BARD1: variants seen among roughly 807,000 people sequenced by gnomAD.
BARD1 encodes the protein BRCA1 associated RING domain 1.
In BARD1, 73 loss-of-function variants were observed where a neutral mutation model predicts 77.0. The ratio of observed to expected loss-of-function variants is 0.95; its 90% CI spans 0.79 to 1.15. The LOEUF is 1.15. Ranked by LOEUF, BARD1 falls within the 50% of genes most tolerant of loss-of-function variation. The pLI, the probability that BARD1 is intolerant of heterozygous loss-of-function variation, is 0.00. For synonymous variants in BARD1, 384 were observed against 338.0 expected, an observed-to-expected ratio of 1.14 and a Z score of -1.49; for missense variants, 993 against 938.8, an observed-to-expected ratio of 1.06 and a Z score of -0.75.
chr2:214,789,297 G>A (rs1171879750), intron 3 of BARD1, among the ~76,000 whole-genome samples: 2 of 151,826 alleles, frequency 1.3e-5, no homozygotes, highest in African/African-American at 4.8e-5. Context: ...TTGGGAGGTC[G>A]AGGTGGGAGA....
rs878854012 is a variant in BARD1, at chr2:214,781,466, T to C, written c.408A>G (p.Ala136=). 1 of 1,612,596 alleles carries C rather than the reference T, an allele frequency of 6.2e-7. No homozygotes were observed. Among genetic ancestry groups the C allele is most frequent in the Non-Finnish European group, 8.5e-7 (1 of 1,179,708 alleles). Residue 136 remains alanine, a synonymous_variant, in exon 4 of 11, where the codon GCA becomes GCG. Coordinates refer to ENST00000260947, the MANE Select transcript of BARD1 (RefSeq NM_000465.4). The part of the protein sequence containing the change: ...DKPRKSLFND[A]GNKKNSIKMW... The stretch of plus-strand genomic sequence containing the variant: ...TTTTAATTGAATTCTTCTTGTTTCC[T>C]GCATCATTAAACAAACTTTTCCTAG...
intron 6 of BARD1, among the ~76,000 whole-genome samples, chr2:214,755,246 CA>C (rs1693640603): frequency 6.6e-6 from 1 of 152,052 alleles, no homozygotes; most frequent in Non-Finnish European, 1.5e-5. Flanking sequence ...CATCACTATA[CA>C]AGGGAAGAAG....
At chr2:214,779,717 T>C (rs992027870) in intron 4 of BARD1, among the ~76,000 whole-genome samples, 4 of 152,220 alleles carry the variant, frequency 2.6e-5, no homozygotes, top group African/African-American at 9.6e-5. Flanking sequence ...CAAAGTTCTC[T>C]ACCCATCCAG....
rs1375593475 is a variant in BARD1 at position 214,745,151 on chromosome 2, C to T, written c.1819G>A (p.Val607Ile). The change falls in exon 9 of 11, where the codon GTT (valine) becomes ATT (isoleucine). Residue 607 changes from valine (V) to isoleucine (I), a missense_variant. By Grantham distance (29) the Val-to-Ile change is conservative. Coordinates refer to ENST00000260947, the MANE Select transcript of BARD1 (RefSeq NM_000465.4). ...YTEFDSTVTH[V>I]VVPGDAVQST... is the part of the protein sequence containing the mutation. ...TGAACTGCATCACCAGGAACAACAA[C>T]ATGAGTTACTAAAATACAAAAAAAG... 1 of 1,613,586 alleles carries T rather than the reference C, an allele frequency of 6.2e-7. No homozygotes were observed. Among genetic ancestry groups the T allele is most frequent in the Non-Finnish European group, 8.5e-7 (1 of 1,179,602 alleles).
chr2:214,792,149 T>TAAAA, intron 3 of BARD1, 148 bp downstream of exon 3: 1 of 760,100 alleles, frequency 1.3e-6, no homozygotes, highest in Non-Finnish European at 2.0e-6. Context: ...CAATGGCTAT[T>TAAAA]TAAAAAAAAA....
chr2:214,781,423 T>C lies in BARD1; in HGVS notation c.451A>G (p.Ser151Gly). The change falls in exon 4 of 11, where the codon AGT becomes GGT. Residue 151 changes from serine (S) to glycine (G), a missense_variant. Transcript: ENST00000260947. ...NSIKMWFSPR[S>G]KKVRYVVSKA... ...CTCACAACATATCTGACTTTCTTAC[T>C]TCGAGGGCTAAACCACATTTTAATT... 6.2e-7 allele frequency: 1 copy of C among 1,613,612 alleles called. No individual in the cohort carries two copies. Among genetic ancestry groups the C allele is most frequent in the Non-Finnish European group, 8.5e-7 (1 of 1,179,892 alleles).
intron 2 of BARD1, among the ~76,000 whole-genome samples, chr2:214,794,792 C>T (rs772189268): frequency 2.0e-5 from 3 of 152,128 alleles, no homozygotes; most frequent in Non-Finnish European, 4.4e-5. Flanking sequence ...GCAGTTTTAA[C>T]TCAAAATCTG....
At chr2:214,809,236 T>G (rs948450818) in intron 1 of BARD1, among the ~76,000 whole-genome samples, 176 bp downstream of exon 1, 9 of 151,972 alleles carry the variant, frequency 5.9e-5, no homozygotes, top group African/African-American at 1.9e-4. Context: ...AAAAATAAAG[T>G]GAATGAGAAG....
chr2:214,779,382 A>G (rs549713285), intron 4 of BARD1, among the ~76,000 whole-genome samples: 4 of 151,858 alleles, frequency 2.6e-5, no homozygotes, highest in African/African-American at 9.7e-5. Flanking sequence ...TTGTTATACG[A>G]TATTTTTTAA....
chr2:214,729,243 T>C (rs939762530), intron 10 of BARD1, among the ~76,000 whole-genome samples: 2 of 152,232 alleles, frequency 1.3e-5, no homozygotes, highest in African/African-American at 4.8e-5. Flanking sequence ...CTTGTACACC[T>C]TATGCACATA....
rs186995626 is a variant in BARD1 at position 214,731,742 on chromosome 2, A to G, written c.1904-1234T>C. On this transcript the variant is annotated intron_variant, in intron 9 of 10. Coordinates refer to ENST00000260947, the MANE Select transcript of BARD1 (RefSeq NM_000465.4). ...CATTTTATCACTGAGGGTAGGAACC[A>G]TATATTATTCACCTATGCGTTCTTC... Among the ~76,000 whole-genome samples, 36 of 152,284 alleles carry G rather than the reference A, an allele frequency of 2.4e-4. 1 individual carries two copies. The highest frequency in any genetic ancestry group is 2.2e-3 in the Admixed American group (33 of 15,292).
At chr2:214,748,547 C>A (rs1406692798) in intron 7 of BARD1, among the ~76,000 whole-genome samples, 1 of 151,776 alleles carries the variant, frequency 6.6e-6, no homozygotes, top group East Asian at 1.9e-4. Context: ...AAAAGGTAAA[C>A]ATGCTGCTTA....
rs1319818611 is a variant in BARD1, at chr2:214,726,980, T to A, written c.*1696A>T. The A allele has an allele frequency of 4.7e-6, 1 of 212,788 alleles. No individual in the cohort carries two copies. The highest frequency in any genetic ancestry group is 2.8e-5 in the African/African-American group (1 of 35,996). The allele number at this position is 212,788 out of a possible 1,614,324, so 13.2% of individuals were successfully genotyped here. A position where few individuals can be genotyped will look rare whatever the true frequency, so the allele number is the denominator to read the frequency against. ...TGAGGCAACAGAAAGTGACTTAAAG[T>A]CTGTTATAAATAAAAAATGACAACC... On this transcript the variant is annotated 3_prime_UTR_variant, in exon 11 of 11. Transcript: ENST00000260947.
At chr2:214,773,603 A>G (rs760818571) in intron 4 of BARD1, among the ~76,000 whole-genome samples, 1 of 151,804 alleles carries the variant, frequency 6.6e-6, no homozygotes, top group South Asian at 2.1e-4. Flanking sequence ...ACTATACTGT[A>G]GTCTACTAAG....
At chr2:214,776,487 A>G (rs1028131633) in intron 4 of BARD1, among the ~76,000 whole-genome samples, 3 of 152,210 alleles carry the variant, frequency 2.0e-5, no homozygotes, top group African/African-American at 7.2e-5. Flanking sequence ...TGATGCAGAC[A>G]TTCAAATAGG....
At chr2:214,730,916 C>T (rs1692326204) in intron 9 of BARD1, 1 of 457,272 alleles carries the variant, frequency 2.2e-6, no homozygotes, top group Non-Finnish European at 4.4e-6. Context: ...ACCATCTATA[C>T]TGCTCATTTT....
intron 1 of BARD1, among the ~76,000 whole-genome samples, chr2:214,802,036 A>C (rs1696049093): frequency 6.6e-6 from 1 of 152,090 alleles, no homozygotes; most frequent in Non-Finnish European, 1.5e-5. Context: ...TTTTTTGTAG[A>C]GGTGGGGTTT....
chr2:214,804,057 G>C (rs931667549), intron 1 of BARD1, among the ~76,000 whole-genome samples: 1 of 152,086 alleles, frequency 6.6e-6, no homozygotes, highest in Admixed American at 6.5e-5. Context: ...TTAATATTAG[G>C]CAAGACAGCT....
Position 214,769,232 on chromosome 2 carries a change from C to G in BARD1, c.1395G>C (p.Leu465Phe), listed in dbSNP as rs755655218. Residue 465 changes from leucine (L) to phenylalanine (F), a missense_variant and splice_region_variant, in exon 5 of 11, where the codon TTG becomes TTC. Physicochemically the swap from Leu to Phe is conservative, Grantham distance 22. Coordinates refer to ENST00000260947, the MANE Select transcript of BARD1 (RefSeq NM_000465.4). The part of the protein sequence containing the change: ...NVKDHAGWTP[L>F]HEACNHGHLK... ...ATGAGAATAAAAACCAGACAACTAC[C>G]AATGGTGTCCATCCAGCATGGTCTT... The G allele has an allele frequency of 6.2e-7, 1 of 1,609,348 alleles. No individual in the cohort carries two copies. The highest frequency in any genetic ancestry group is 8.5e-7 in the Non-Finnish European group (1 of 1,175,882).
Sources: gnomAD v4.1 joint callset for allele counts (sites outside exome capture counted in the v4.1 genomes callset) on GRCh38, gnomAD v4.1.1 for gene constraint, MANE v1.5 for transcripts, NCBI Gene and HGNC (gene_info 2026-07-23, HGNC 2026-07-21) for gene names.